FAAH2: variants seen among roughly 807,000 people sequenced by gnomAD.
FAAH2 encodes the protein fatty acid amide hydrolase 2.
Under a neutral mutation model 36.9 loss-of-function variants are expected in FAAH2, and 60 were observed. The observed-to-expected ratio is 1.63, with a 90% CI of 1.32 to 2.02. The LOEUF is 2.02. Among genes scored for constraint, FAAH2 ranks in the 30% most tolerant of loss-of-function variants. FAAH2 has a pLI of 0.00. For missense variants in FAAH2, 689 were observed against 397.5 expected (o/e 1.73, Z -6.23); for synonymous variants, 214 against 143.8 (o/e 1.49, Z -3.49).
At chrX:57,166,701 G>A in the FAAH2 span, among the ~76,000 whole-genome samples, 91 of 112,092 alleles carry the variant, frequency 8.1e-4, no homozygotes, top group Admixed American at 8.5e-3. Context: ...ACATAGTTAC[G>A]GTGATCTTGA....
the FAAH2 span, among the ~76,000 whole-genome samples, chrX:57,277,045 A>C: frequency 8.9e-6 from 1 of 111,920 alleles, no homozygotes; most frequent in South Asian, 3.7e-4. Context: ...AATCAATAGA[A>C]AAAGAGAAAA....
intron 7 of FAAH2, chrX:57,392,963 G>T: frequency 1.1e-6 from 1 of 919,104 alleles, no homozygotes; most frequent in Non-Finnish European, 1.6e-6. Context: ...TCTGTGCAAT[G>T]ATCCTGATTT....
intron 7 of FAAH2, among the ~76,000 whole-genome samples, chrX:57,423,339 A>T (rs150998964): frequency 1.2e-3 from 138 of 111,739 alleles, no homozygotes; most frequent in East Asian, 8.8e-3. Context: ...CATGGGCATG[A>T]GCTGCAGGTG....
At chrX:57,260,096 C>G in the FAAH2 span, among the ~76,000 whole-genome samples, 9 of 111,263 alleles carry the variant, frequency 8.1e-5, no homozygotes. Context: ...TAAGGATTTT[C>G]CTAGCATTTT....
In FAAH2 at chrX:57,431,960, C is replaced by T; in HGVS notation, c.1039C>T (p.His347Tyr). 1 of 1,204,182 alleles carries T rather than the reference C, an allele frequency of 8.3e-7. No individual in the cohort carries two copies. The change falls in exon 8 of 11, where the codon CAT becomes TAT. Residue 347 changes from histidine (H) to tyrosine (Y), a missense_variant. Physicochemically the swap from His to Tyr is moderately conservative, Grantham distance 83. Coordinates refer to ENST00000374900, the MANE Select transcript of FAAH2 (RefSeq NM_174912.4). ...AACTATTCTAGGAGCCTCAGTTCAACATGTTAAACTGAAGAAAATGAAGTA... is the reference window on the plus strand; with the variant it reads ...AACTATTCTAGGAGCCTCAGTTCAATATGTTAAACTGAAGAAAATGAAGTA... ...LETILGASVQ[H>Y]VKLKKMKYSF...
chrX:57,397,142 CT>C (rs1442788527), intron 7 of FAAH2, among the ~76,000 whole-genome samples: 12 of 111,796 alleles, frequency 1.1e-4, no homozygotes, highest in African/African-American at 3.9e-4. Context: ...CTTCTTCCCC[CT>C]TTTGCTTTTT....
chrX:57,358,868 C>A (rs1236281360), intron 5 of FAAH2, among the ~76,000 whole-genome samples: 1 of 111,102 alleles, frequency 9.0e-6, no homozygotes, highest in Admixed American at 9.6e-5. Flanking sequence ...TCCTCTACAT[C>A]CTTGTCAGCA....
chrX:57,189,180 C>G, the FAAH2 span, among the ~76,000 whole-genome samples: 1 of 110,527 alleles, frequency 9.0e-6, no homozygotes, highest in African/African-American at 3.3e-5. Context: ...ATCAGTTTGG[C>G]TGTTAATACT....
intron 10 of FAAH2, among the ~76,000 whole-genome samples, chrX:57,477,696 G>A (rs754601340): frequency 2.4e-4 from 25 of 102,537 alleles, no homozygotes; most frequent in African/African-American, 8.8e-4. Flanking sequence ...GTGCCCAAGT[G>A]TTCTCATTGT....
At chrX:57,481,214 A>G (rs992995574) in intron 10 of FAAH2, among the ~76,000 whole-genome samples, 1 of 110,507 alleles carries the variant, frequency 9.0e-6, no homozygotes, top group Non-Finnish European at 1.9e-5. Flanking sequence ...GGAGTTTGTT[A>G]TTACCTACAT....
chrX:57,299,042 C>G (rs1480185948), intron 2 of FAAH2, among the ~76,000 whole-genome samples: 1 of 111,552 alleles, frequency 9.0e-6, no homozygotes, highest in African/African-American at 3.3e-5. Flanking sequence ...GGAGCTGGTA[C>G]CATTCCTTCT....
chrX:57,283,225 G>A (rs186178226), upstream of FAAH2, among the ~76,000 whole-genome samples: 102 of 111,687 alleles, frequency 9.1e-4, no homozygotes, highest in Admixed American at 3.7e-3. Flanking sequence ...AGGGCAGCAA[G>A]GGCACTACCA....
At chrX:57,428,739 A>G (rs1010326042) in intron 7 of FAAH2, among the ~76,000 whole-genome samples, 1 of 112,119 alleles carries the variant, frequency 8.9e-6, no homozygotes, top group African/African-American at 3.2e-5. Context: ...AAAAATTATC[A>G]CAAATGTATT....
At chrX:57,371,190 T>C (rs187351676) in intron 5 of FAAH2, among the ~76,000 whole-genome samples, 171 of 111,825 alleles carry the variant, frequency 1.5e-3, no homozygotes, top group African/African-American at 4.7e-3. Context: ...ATTGAACCTG[T>C]CACCCAGCTA....
intron 10 of FAAH2, among the ~76,000 whole-genome samples, chrX:57,481,593 G>T (rs1179093976): frequency 8.9e-6 from 1 of 111,992 alleles, no homozygotes; most frequent in Non-Finnish European, 1.9e-5. Context: ...AAATATTGCT[G>T]CCTGCTCCTT....
In FAAH2 at chrX:57,489,142, G is replaced by A; in HGVS notation, c.*210G>A. On this transcript the variant is annotated 3_prime_UTR_variant, in exon 11 of 11. Transcript: ENST00000374900. ...ATTTGCTTCTTGCTTTTATGTTACT[G>A]GAAAATTAGGACATGTAAATGGATA... The A allele has an allele frequency of 2.6e-6, 1 of 390,281 alleles. No individual in the cohort carries two copies. Among genetic ancestry groups the A allele is most frequent in the Non-Finnish European group, 4.2e-6 (1 of 236,121 alleles). 32.2% of individuals were successfully genotyped at this position (390,281 alleles called of 1,213,427 possible). A position where few individuals can be genotyped will look rare whatever the true frequency, so the allele number is the denominator to read the frequency against.
chrX:57,441,641 A>T (rs1483569859), intron 8 of FAAH2, among the ~76,000 whole-genome samples: 7 of 107,785 alleles, frequency 6.5e-5, no homozygotes, highest in African/African-American at 2.4e-4. Flanking sequence ...TATTTCTTGC[A>T]TTCTGTTAGC....
chrX:57,304,553 T>G (rs961814037), intron 2 of FAAH2, among the ~76,000 whole-genome samples: 2 of 112,071 alleles, frequency 1.8e-5, no homozygotes, highest in South Asian at 7.5e-4. Context: ...TAAACCAATT[T>G]TTGGCAAGGT....
chrX:57,146,370 T>G, the FAAH2 span, among the ~76,000 whole-genome samples: 3 of 111,732 alleles, frequency 2.7e-5, no homozygotes, highest in African/African-American at 9.7e-5. Flanking sequence ...CTCAGCTTGG[T>G]CACTGTTGGT....
Sources: gnomAD v4.1 joint callset for allele counts (sites outside exome capture counted in the v4.1 genomes callset) on GRCh38, gnomAD v4.1.1 for gene constraint, MANE v1.5 for transcripts, NCBI Gene and HGNC (gene_info 2026-07-23, HGNC 2026-07-21) for gene names.